The following RBMS1 variants were observed in gnomAD, a reference collection of about 807,000 sequenced individuals.
RBMS1 encodes the protein RNA-binding motif, single-stranded-interacting protein 1.
RBMS1 carries 17 observed loss-of-function variants against 62.3 expected under a neutral mutation model. The observed-to-expected ratio is 0.27, with a 90% confidence interval of 0.19 to 0.41. RBMS1 has a LOEUF of 0.41. Ranked by LOEUF, RBMS1 falls within the 10% of genes least tolerant of loss-of-function variation. The pLI, the probability that RBMS1 is intolerant of heterozygous loss-of-function variation, is 1.00. For missense variants in RBMS1, 334 were observed against 504.5 expected, an observed-to-expected ratio of 0.66 and a Z score of 3.24; for synonymous variants, 172 against 170.0, an observed-to-expected ratio of 1.01 and a Z score of -0.09.
chr2:160,293,359 C>T (rs573101822), intron 6 of RBMS1, among the ~76,000 whole-genome samples: 1 of 152,282 alleles, frequency 6.6e-6, no homozygotes, highest in African/African-American at 2.4e-5. Flanking sequence ...TCAAGCCCCA[C>T]TGGACACATA....
At chr2:160,312,570 G>T (rs766593691) in intron 4 of RBMS1, among the ~76,000 whole-genome samples, 4 of 151,982 alleles carry the variant, frequency 2.6e-5, no homozygotes, top group Non-Finnish European at 4.4e-5. Flanking sequence ...TTTGAATAAA[G>T]TCATTATAGA....
At chr2:160,452,676 A>G (rs894796867) in intron 1 of RBMS1, among the ~76,000 whole-genome samples, 1 of 152,208 alleles carries the variant, frequency 6.6e-6, no homozygotes, top group African/African-American at 2.4e-5. Flanking sequence ...TGACCTTATT[A>G]CGAGAATGGT....
At chr2:160,370,273 AT>A (rs1323847152) in intron 1 of RBMS1, among the ~76,000 whole-genome samples, 1 of 152,258 alleles carries the variant, frequency 6.6e-6, no homozygotes, top group African/African-American at 2.4e-5. Context: ...GCGTTGAATT[AT>A]TCTAGGTTGT....
At chr2:160,471,716 T>TATATATA (rs371634389) in intron 1 of RBMS1, among the ~76,000 whole-genome samples, 5 of 76,246 alleles carry the variant, frequency 6.6e-5, no homozygotes, top group Admixed American at 1.9e-4. Flanking sequence ...TATATATATA[T>TATATATA]AACCTTTCAT....
chr2:160,450,411 G>A (rs1226709544), intron 1 of RBMS1, among the ~76,000 whole-genome samples: 1 of 151,886 alleles, frequency 6.6e-6, no homozygotes, highest in Non-Finnish European at 1.5e-5. Flanking sequence ...GTGATGAAAG[G>A]TGCCTGTAAT....
Position 160,416,383 on chromosome 2 carries a change from A to G in RBMS1, c.76-48992T>C, listed in dbSNP as rs1696209990. Among the ~76,000 whole-genome samples the G allele has an allele frequency of 2.6e-5, 4 of 152,156 alleles. No individual in the cohort carries two copies. The South Asian group carries it at 8.3e-4, about 32-fold the overall frequency. ...TCATTATTATTAAGTGTTAAAATTCAGTTAGACTCTTTTAAACTGGAGAAA... is the reference window on the plus strand; with the variant it reads ...TCATTATTATTAAGTGTTAAAATTCGGTTAGACTCTTTTAAACTGGAGAAA... On this transcript the variant is annotated intron_variant, in intron 1 of 13. Transcript: ENST00000348849.
At chr2:160,431,412 C>G (rs1199385053) in intron 1 of RBMS1, among the ~76,000 whole-genome samples, 1 of 151,856 alleles carries the variant, frequency 6.6e-6, no homozygotes, top group East Asian at 2.0e-4. Context: ...TCGTTTCCCA[C>G]AGCAGTCACA....
At chr2:160,305,702 A>G (rs577201320) in intron 4 of RBMS1, among the ~76,000 whole-genome samples, 51 of 152,318 alleles carry the variant, frequency 3.3e-4, no homozygotes, top group Admixed American at 4.6e-4. Flanking sequence ...GCATGGAAGC[A>G]GGGGAATGAT....
At chr2:160,388,640 C>T (rs1434531054) in intron 1 of RBMS1, among the ~76,000 whole-genome samples, 1 of 152,186 alleles carries the variant, frequency 6.6e-6, no homozygotes, top group Non-Finnish European at 1.5e-5. Context: ...CTTGTCACTC[C>T]CCAGCAGGAA....
chr2:160,401,348 T>TA (rs1410812930), intron 1 of RBMS1, among the ~76,000 whole-genome samples: 1 of 152,240 alleles, frequency 6.6e-6, no homozygotes, highest in African/African-American at 2.4e-5. Flanking sequence ...CTGCTGTCGT[T>TA]ATATTAAGTG....
chr2:160,317,652 G>C (rs1391328833), intron 3 of RBMS1, among the ~76,000 whole-genome samples: 1 of 152,126 alleles, frequency 6.6e-6, no homozygotes, highest in Non-Finnish European at 1.5e-5. Flanking sequence ...CAGTGAAAAT[G>C]GTTGTCTCCT....
intron 1 of RBMS1, among the ~76,000 whole-genome samples, chr2:160,419,306 T>C (rs1170820481): frequency 6.6e-6 from 1 of 152,174 alleles, no homozygotes; most frequent in East Asian, 1.9e-4. Flanking sequence ...TGCAAATCAC[T>C]ATAGGAACTG....
chr2:160,447,401 G>A (rs10171138), intron 1 of RBMS1, among the ~76,000 whole-genome samples: 2 of 152,202 alleles, frequency 1.3e-5, no homozygotes, highest in Admixed American at 1.3e-4. Context: ...GGAAGAAAAT[G>A]AAACAGGGTT....
chr2:160,493,237 G>A (rs994232039), intron 1 of RBMS1, 52 bp downstream of exon 1: 54 of 1,554,018 alleles, frequency 3.5e-5, no homozygotes, highest in Non-Finnish European at 4.7e-5. Flanking sequence ...GACCCTGCGC[G>A]CGTCCCCGGG....
chr2:160,481,034 T>A (rs1393488358), intron 1 of RBMS1, among the ~76,000 whole-genome samples: 1 of 137,012 alleles, frequency 7.3e-6, no homozygotes, highest in Non-Finnish European at 1.5e-5. Flanking sequence ...TGAGCCTAGA[T>A]CACGCCACTG....
At chr2:160,350,875 G>A (rs1692456029) in intron 2 of RBMS1, among the ~76,000 whole-genome samples, 1 of 152,092 alleles carries the variant, frequency 6.6e-6, no homozygotes, top group African/African-American at 2.4e-5. Context: ...ACCCAGTAAT[G>A]GGATGGCTGG....
chr2:160,370,003 T>TCAA (rs1031326047), intron 1 of RBMS1, among the ~76,000 whole-genome samples: 30 of 152,286 alleles, frequency 2.0e-4, no homozygotes, highest in Admixed American at 1.9e-3. Flanking sequence ...TGGCCATCCA[T>TCAA]ATTTACTGCA....
chr2:160,313,522 G>C (rs908674880), intron 3 of RBMS1, among the ~76,000 whole-genome samples: 3 of 151,824 alleles, frequency 2.0e-5, no homozygotes, highest in South Asian at 2.1e-4. Flanking sequence ...TTTACTGGTG[G>C]GGGGGAGACA....
chr2:160,427,494 C>T (rs1301388963), intron 1 of RBMS1, among the ~76,000 whole-genome samples: 1 of 151,960 alleles, frequency 6.6e-6, no homozygotes, highest in Admixed American at 6.6e-5. Context: ...AATATATAAA[C>T]ATATATGTTT....
Sources: allele counts gnomAD v4.1 joint callset (sites outside exome capture counted in the v4.1 genomes callset), GRCh38; gene constraint gnomAD v4.1.1; transcripts MANE v1.5; gene names NCBI Gene and HGNC (gene_info 2026-07-23, HGNC 2026-07-21).